The following MAGI2 variants were observed in gnomAD, a reference collection of about 807,000 sequenced individuals.
The protein encoded by MAGI2 is membrane-associated guanylate kinase, WW and PDZ domain-containing protein 2.
Under a neutral mutation model 133.3 loss-of-function variants are expected in MAGI2, and 35 were observed. The ratio of observed to expected loss-of-function variants is 0.26; its 90% CI spans 0.20 to 0.35. MAGI2 has a LOEUF of 0.35. Ranked by LOEUF, MAGI2 falls within the 10% of genes least tolerant of loss-of-function variation. The probability of loss-of-function intolerance (pLI) is 1.00; values close to 1 mark genes in which losing one functional copy is unlikely to be tolerated. For synonymous variants in MAGI2, 729 were observed against 710.6 expected (o/e 1.03, Z -0.41); for missense variants, 1,636 against 1,863.4 (o/e 0.88, Z 2.25).
At chr7:78,739,885 G>A (rs1475060766) in intron 2 of MAGI2, among the ~76,000 whole-genome samples, 3 of 152,094 alleles carry the variant, frequency 2.0e-5, no homozygotes, top group Non-Finnish European at 4.4e-5. Flanking sequence ...CTGGCCAGGC[G>A]CGGTGGCTCA....
chr7:79,206,923 A>G lies in MAGI2; in HGVS notation c.302-199717T>C, dbSNP rs73147306. 4.4e-3 allele frequency among the ~76,000 whole-genome samples: 675 copies of G among 152,108 alleles called. 3 individuals carry two copies. The highest frequency in any genetic ancestry group is 0.031 in the Middle Eastern group (9 of 294). ...AAGGATGGCTAAATTACGTATATCA[A>G]CAAAGGTGAAACAACACATAAACAG... On this transcript the variant is annotated intron_variant, in intron 1 of 21. Transcript: ENST00000354212.
At chr7:79,388,274 G>T (rs1563177542) in intron 1 of MAGI2, among the ~76,000 whole-genome samples, 1 of 151,728 alleles carries the variant, frequency 6.6e-6, no homozygotes, top group Non-Finnish European at 1.5e-5. Context: ...CTTTTCTATT[G>T]CATTCATTGA....
At chr7:79,298,439 A>G (rs1837117998) in intron 1 of MAGI2, among the ~76,000 whole-genome samples, 1 of 152,158 alleles carries the variant, frequency 6.6e-6, no homozygotes, top group Admixed American at 6.5e-5. Flanking sequence ...CTAGTGAAAA[A>G]CAATATTATG....
At chr7:79,105,572 T>C (rs533853811) in intron 1 of MAGI2, among the ~76,000 whole-genome samples, 5 of 152,178 alleles carry the variant, frequency 3.3e-5, no homozygotes, top group Non-Finnish European at 7.3e-5. Flanking sequence ...ACTGTTATTT[T>C]CTCTGCCATC....
chr7:78,584,462 G>A (rs1584740167), intron 3 of MAGI2, among the ~76,000 whole-genome samples: 1 of 141,544 alleles, frequency 7.1e-6, no homozygotes, highest in Middle Eastern at 4.0e-3. Context: ...AAACAAAGAC[G>A]TTAGACTAAT....
chr7:79,335,744 AG>A (rs1840395073), intron 1 of MAGI2, among the ~76,000 whole-genome samples: 1 of 152,196 alleles, frequency 6.6e-6, no homozygotes, highest in African/African-American at 2.4e-5. Context: ...TTGAGCTAAA[AG>A]CTATTGAGAA....
At chr7:78,183,521 C>T (rs969849818) in intron 13 of MAGI2, among the ~76,000 whole-genome samples, 1 of 152,012 alleles carries the variant, frequency 6.6e-6, no homozygotes, top group East Asian at 1.9e-4. Context: ...GACTCGGCCT[C>T]CCAAAGTGCT....
intron 2 of MAGI2, among the ~76,000 whole-genome samples, chr7:78,814,393 A>G (rs1476496414): frequency 1.3e-5 from 2 of 152,340 alleles, no homozygotes; most frequent in Non-Finnish European, 2.9e-5. Flanking sequence ...GGTTTAGAAG[A>G]TAGTCTACAC....
intron 9 of MAGI2, among the ~76,000 whole-genome samples, chr7:78,302,217 T>C (rs949735386): frequency 2.0e-5 from 3 of 152,260 alleles, no homozygotes; most frequent in Non-Finnish European, 2.9e-5. Flanking sequence ...CATTTCAAAT[T>C]CCTTTCACAT....
chr7:78,167,841 T>A, intron 15 of MAGI2, 75 bp downstream of exon 15: 1 of 1,389,364 alleles, frequency 7.2e-7, no homozygotes, highest in South Asian at 1.4e-5. Context: ...TTTTGTTTCA[T>A]GTGGCCTTAC....
intron 10 of MAGI2, among the ~76,000 whole-genome samples, chr7:78,208,220 A>G (rs1787320901): frequency 6.6e-6 from 1 of 151,336 alleles, no homozygotes; most frequent in Non-Finnish European, 1.5e-5. Context: ...CCTTTTAAAT[A>G]AAAGTGTTTT....
intron 2 of MAGI2, among the ~76,000 whole-genome samples, chr7:78,928,167 G>A (rs1158690133): frequency 6.6e-6 from 1 of 151,716 alleles, no homozygotes; most frequent in African/African-American, 2.4e-5. Flanking sequence ...ATAACAAATA[G>A]TTCCTTCCAC....
chr7:79,135,981 A>AAGACAGAGAGAGAG (rs1562928601), intron 1 of MAGI2, among the ~76,000 whole-genome samples: 7 of 38,808 alleles, frequency 1.8e-4, no homozygotes, highest in Admixed American at 3.1e-4. Context: ...GAAAGAAAGA[A>AAGACAGAGAGAGAG]AGAAAGAAAG....
chr7:78,862,842 G>A (rs185792690), intron 2 of MAGI2, among the ~76,000 whole-genome samples: 89 of 152,282 alleles, frequency 5.8e-4, no homozygotes, highest in Admixed American at 5.6e-3. Flanking sequence ...ATAAAAGGTG[G>A]CAATACTTTA....
intron 9 of MAGI2, among the ~76,000 whole-genome samples, chr7:78,324,310 G>A (rs1788357689): frequency 6.6e-6 from 1 of 151,962 alleles, no homozygotes; most frequent in South Asian, 2.1e-4. Flanking sequence ...GGAATCATAT[G>A]GTTCATCCAC....
chr7:78,875,590 C>G (rs1795354824), intron 2 of MAGI2, among the ~76,000 whole-genome samples: 1 of 151,976 alleles, frequency 6.6e-6, no homozygotes. Flanking sequence ...TCAGAACAAA[C>G]AAAGAAACAA....
intron 9 of MAGI2, among the ~76,000 whole-genome samples, chr7:78,332,099 A>C: frequency 6.6e-6 from 1 of 152,196 alleles, no homozygotes; most frequent in East Asian, 1.9e-4. Context: ...AGAGATGAGA[A>C]CCTAGGATAA....
intron 2 of MAGI2, among the ~76,000 whole-genome samples, chr7:78,875,307 T>G (rs1453459004): frequency 6.6e-6 from 1 of 152,126 alleles, no homozygotes; most frequent in Non-Finnish European, 1.5e-5. Flanking sequence ...AGAGCTGAAG[T>G]CTTACAAGGA....
intron 6 of MAGI2, among the ~76,000 whole-genome samples, chr7:78,461,187 CCTA>C (rs1789947023): frequency 6.6e-6 from 1 of 151,892 alleles, no homozygotes; most frequent in Non-Finnish European, 1.5e-5. Flanking sequence ...TATTTGAGTG[CCTA>C]CTGTTTGCGA....
Sources: gnomAD v4.1 joint callset for allele counts (sites outside exome capture counted in the v4.1 genomes callset) on GRCh38, gnomAD v4.1.1 for gene constraint, MANE v1.5 for transcripts, NCBI Gene and HGNC (gene_info 2026-07-23, HGNC 2026-07-21) for gene names.